Variants in WNT7B observed in about 807,000 individuals in gnomAD.
WNT7B encodes the protein protein Wnt-7b.
A neutral mutation model predicts 38.2 loss-of-function variants in WNT7B; 19 were observed. The ratio of observed to expected loss-of-function variants is 0.50; its 90% CI spans 0.35 to 0.73. WNT7B has a LOEUF of 0.73. Among genes scored for constraint, WNT7B ranks in the 30% least tolerant of loss-of-function variants. The probability of loss-of-function intolerance (pLI) is 0.01; values close to 1 mark genes in which losing one functional copy is unlikely to be tolerated. For synonymous variants in WNT7B, 243 were observed against 209.3 expected, an observed-to-expected ratio of 1.16 and a Z score of -1.39; for missense variants, 423 against 507.9, an observed-to-expected ratio of 0.83 and a Z score of 1.61.
At chr22:45,948,827 CTTTTTTTTTTTTTT>C (rs749735538) in intron 2 of WNT7B, among the ~76,000 whole-genome samples, 102 of 90,164 alleles carry the variant, frequency 1.1e-3, no homozygotes, top group African/African-American at 3.0e-3. Context: ...CCAAAGATCC[CTTTTTTTTTTTTTT>C]TTTTTTTTTT....
rs202058429 is a variant in WNT7B at position 45,923,147 on chromosome 22, G to A, written c.759C>T (p.Arg253=). Residue 253 remains arginine (R), a synonymous_variant, in exon 4 of 4, where the codon CGC becomes CGT. Coordinates refer to ENST00000339464, the MANE Select transcript of WNT7B (RefSeq NM_058238.3). ...TCTGATAGCTGCGCAGCTGTTTGAT[G>A]CGCAGGAAGGTGGGCTGCCGCAGAC... ...ASRLRQPTFL[R]IKQLRSYQKP... 131 of 1,613,574 alleles carry A rather than the reference G, an allele frequency of 8.1e-5. No homozygotes were observed. Among genetic ancestry groups the A allele is most frequent in the Non-Finnish European group, 1.0e-4 (119 of 1,180,020 alleles).
chr22:45,948,599 T>C (rs996576673), intron 2 of WNT7B, among the ~76,000 whole-genome samples: 3 of 151,878 alleles, frequency 2.0e-5, no homozygotes, highest in African/African-American at 7.3e-5. Context: ...ATCCCCCCCC[T>C]CCTCTGCCTC....
At chr22:45,939,493 G>T (rs1374894312) in intron 2 of WNT7B, among the ~76,000 whole-genome samples, 1 of 152,190 alleles carries the variant, frequency 6.6e-6, no homozygotes, top group Non-Finnish European at 1.5e-5. Flanking sequence ...CTACAGTGTG[G>T]ATAAAACTCA....
At chr22:45,929,838 A>G (rs1377267646) in intron 3 of WNT7B, among the ~76,000 whole-genome samples, 2 of 134,968 alleles carry the variant, frequency 1.5e-5, no homozygotes, top group East Asian at 2.3e-4. Context: ...GCACTCTTCT[A>G]TACATCCACC....
chr22:45,953,826 A>G (rs1601733221), intron 1 of WNT7B, among the ~76,000 whole-genome samples: 3 of 152,170 alleles, frequency 2.0e-5, no homozygotes, highest in South Asian at 4.1e-4. Flanking sequence ...GGAGCGGACA[A>G]TGGTATAGCC....
intron 2 of WNT7B, among the ~76,000 whole-genome samples, chr22:45,948,756 C>G (rs1379182094): frequency 1.3e-5 from 2 of 151,848 alleles, no homozygotes; most frequent in African/African-American, 4.8e-5. Context: ...AGCTGAGGCC[C>G]TGAGCAGCCC....
chr22:45,968,741 C>T (rs1932366017), intron 1 of WNT7B, among the ~76,000 whole-genome samples: 1 of 152,186 alleles, frequency 6.6e-6, no homozygotes, highest in Non-Finnish European at 1.5e-5. Flanking sequence ...TTGCCCACCT[C>T]CAGTGGGGGG....
rs562412658 is a variant in WNT7B, at chr22:45,954,430, AC to A, written c.72-4285del. ...AAATTTTATTTTACGTATTTTAACC[AC>A]GATTTTAAAAAACTCTATCTATACA... On this transcript the variant is annotated intron_variant, in intron 1 of 3. Coordinates refer to ENST00000339464, the MANE Select transcript of WNT7B (RefSeq NM_058238.3). Among the ~76,000 whole-genome samples the A allele has an allele frequency of 5.3e-5, 8 of 152,352 alleles. No homozygotes were observed. The South Asian group carries it at 1.7e-3, about 32-fold the overall frequency.
intron 1 of WNT7B, among the ~76,000 whole-genome samples, chr22:45,973,483 A>AG (rs1223717232): frequency 1.3e-5 from 2 of 152,014 alleles, no homozygotes; most frequent in African/African-American, 4.8e-5. Context: ...CTCCACCTTC[A>AG]TCCCCCCTAG....
chr22:45,944,879 C>A (rs966047195), intron 2 of WNT7B, among the ~76,000 whole-genome samples: 2 of 152,176 alleles, frequency 1.3e-5, no homozygotes, highest in African/African-American at 4.8e-5. Flanking sequence ...GACTGCCCCA[C>A]CCCACACTGG....
intron 2 of WNT7B, among the ~76,000 whole-genome samples, chr22:45,938,823 A>G (rs925616168): frequency 6.6e-6 from 1 of 152,272 alleles, no homozygotes; most frequent in African/African-American, 2.4e-5. Context: ...AATCTTAAAT[A>G]CCCTGACTTG....
chr22:45,955,933 G>A (rs911730190), intron 1 of WNT7B, among the ~76,000 whole-genome samples: 2 of 152,158 alleles, frequency 1.3e-5, no homozygotes, highest in Non-Finnish European at 2.9e-5. Flanking sequence ...CCTGTACAAG[G>A]AGGGGCTGCC....
rs554888535 is a variant in WNT7B, at chr22:45,934,901, G to A, written c.299-3532C>T. ...AATCAGTAAGAACGACCTTAGGTCCGGCGAGAGTCGCTGCCGTGGACTGTG... is the reference window on the plus strand; with the variant it reads ...AATCAGTAAGAACGACCTTAGGTCCAGCGAGAGTCGCTGCCGTGGACTGTG... On this transcript the variant is annotated intron_variant, in intron 2 of 3. Coordinates refer to ENST00000339464, the MANE Select transcript of WNT7B (RefSeq NM_058238.3). 1.7e-3 allele frequency among the ~76,000 whole-genome samples: 266 copies of A among 152,352 alleles called. 2 individuals are homozygous for A. Among genetic ancestry groups the A allele is most frequent in the African/African-American group, 5.3e-3 (219 of 41,584 alleles).
At chr22:45,948,855 T>C (rs1240661419) in intron 2 of WNT7B, among the ~76,000 whole-genome samples, 10 of 134,820 alleles carry the variant, frequency 7.4e-5, no homozygotes, top group East Asian at 2.0e-4. Context: ...TTTTTTTTTT[T>C]TTCCCCTGAG....
At chr22:45,972,116 G>GGGGGGGGGCCCCCCCCC in intron 1 of WNT7B, 4 of 530,736 alleles carry the variant, frequency 7.5e-6, no homozygotes, top group African/African-American at 2.1e-5. Flanking sequence ...CCCGGGGGGA[G>GGGGGGGGGCCCCCCCCC]CCCACCCGCC....
Position 45,931,101 on chromosome 22 carries a change from C to T in WNT7B, c.567G>A (p.Arg189=). The change falls in exon 3 of 4, where the codon AGG becomes AGA. Residue 189 remains arginine (R), a synonymous_variant. Coordinates refer to ENST00000339464, the MANE Select transcript of WNT7B (RefSeq NM_058238.3). ...LMNLHNNEAG[R]KVLEDRMQLE... Reference sequence around the variant, plus strand: ...ACCAGCCGCACCCGCACCCTACCTTCCTGCCGGCCTCATTGTTATGCAGGT... The same window carrying T: ...ACCAGCCGCACCCGCACCCTACCTTTCTGCCGGCCTCATTGTTATGCAGGT... The T allele has an allele frequency of 1.9e-6, 3 of 1,573,854 alleles. No individual in the cohort carries two copies. Among genetic ancestry groups the T allele is most frequent in the Middle Eastern group, 2.0e-4 (1 of 5,108 alleles).
In WNT7B at chr22:45,931,122, C is replaced by G; in HGVS notation, c.546G>C (p.Leu182=). The G allele has an allele frequency of 6.3e-7, 1 of 1,587,928 alleles. No individual in the cohort carries two copies. Among genetic ancestry groups the G allele is most frequent in the South Asian group, 1.1e-5 (1 of 90,268 alleles). The change falls in exon 3 of 4, where the codon CTG becomes CTC. Residue 182 remains leucine (L), a synonymous_variant. Transcript: ENST00000339464. The part of the protein sequence containing the change: ...IKKNARRLMN[L]HNNEAGRKVL... ...CCTTCCTGCCGGCCTCATTGTTATG[C>G]AGGTTCATGAGGCGCCGCGCGTTCT...
chr22:45,962,848 C>T (rs1426333806), intron 1 of WNT7B, among the ~76,000 whole-genome samples: 1 of 152,234 alleles, frequency 6.6e-6, no homozygotes, highest in Non-Finnish European at 1.5e-5. Flanking sequence ...CCTGAAACCT[C>T]AGGACAGATG....
chr22:45,944,537 C>T (rs1206803732), intron 2 of WNT7B, among the ~76,000 whole-genome samples: 1 of 152,248 alleles, frequency 6.6e-6, no homozygotes, highest in African/African-American at 2.4e-5. Flanking sequence ...GCTGCCTGGC[C>T]CCTGAGCCTC....
Sources: allele counts gnomAD v4.1 joint callset (sites outside exome capture counted in the v4.1 genomes callset), GRCh38; gene constraint gnomAD v4.1.1; transcripts MANE v1.5; gene names NCBI Gene and HGNC (gene_info 2026-07-23, HGNC 2026-07-21).